DPP9: variants seen among roughly 807,000 people sequenced by gnomAD.
DPP9 encodes dipeptidyl peptidase 9.
Under a neutral mutation model 110.7 loss-of-function variants are expected in DPP9, and 50 were observed. That is an observed-to-expected ratio of 0.45 (90% CI 0.36 to 0.57). DPP9 has a LOEUF of 0.57. Among genes scored for constraint, DPP9 ranks in the 20% least tolerant of loss-of-function variants. DPP9 has a pLI of 0.00. For synonymous variants in DPP9, 561 were observed against 514.4 expected (o/e 1.09, Z -1.23); for missense variants, 1,022 against 1,217.9 (o/e 0.84, Z 2.39).
rs147595874 is a variant in DPP9 at position 4,681,105 on chromosome 19, C to T, written c.2475-1159G>A. 1.3e-3 allele frequency among the ~76,000 whole-genome samples: 203 copies of T among 152,264 alleles called. No homozygotes were observed. In the East Asian group the frequency reaches 0.019, roughly 14 times the overall value. On this transcript the variant is annotated intron_variant, in intron 20 of 21. Coordinates refer to ENST00000262960, the MANE Select transcript of DPP9 (RefSeq NM_139159.5). ...ACGGGAGCCAGTGGCCACACGTCGC[C>T]GTTGAAATTCCAGTTTACATTCATC...
intron 4 of DPP9, among the ~76,000 whole-genome samples, chr19:4,709,230 GT>G (rs796655438): frequency 2.0e-4 from 29 of 146,468 alleles, no homozygotes; most frequent in Admixed American, 2.0e-4. Context: ...TTGTTTGTTT[GT>G]TTTTTTTTTT....
rs1284158597 is a variant in DPP9, at chr19:4,683,584, C to A, written c.2224G>T (p.Ala742Ser). ...AGGTCGATGAAGCCATACTTCTCGG[C>A]CACGAACTGCAGGCCCTCCACCTGG... ...EDQVEGLQFV[A>S]EKYGFIDLSR... is the part of the protein sequence containing the mutation. Residue 742 changes from alanine to serine, a missense_variant, in exon 19 of 22, where the codon GCC (alanine) becomes TCC (serine). Physicochemically the swap from Ala to Ser is moderately conservative, Grantham distance 99. Transcript: ENST00000262960. The A allele has an allele frequency of 1.2e-6, 2 of 1,613,554 alleles. No homozygotes were observed. The highest frequency in any genetic ancestry group is 1.7e-5 in the Admixed American group (1 of 60,034).
intron 8 of DPP9, 37 bp from the exon 9 acceptor site, chr19:4,702,192 A>T: frequency 6.3e-7 from 1 of 1,586,488 alleles, no homozygotes; most frequent in Non-Finnish European, 8.6e-7. Context: ...TGAGGGTGCC[A>T]GAGGCAGAGT....
In DPP9 at chr19:4,714,267, C is replaced by G; in HGVS notation, c.127G>C (p.Ala43Pro). The G allele has an allele frequency of 6.4e-7, 1 of 1,566,144 alleles. No individual in the cohort carries two copies. The highest frequency in any genetic ancestry group is 8.6e-7 in the Non-Finnish European group (1 of 1,157,858). Residue 43 changes from alanine to proline, a missense_variant, in exon 4 of 22, where the codon GCA becomes CCA. By Grantham distance (27) the Ala-to-Pro change is conservative. This residue lies in a region of DPP9 where 810 missense variants were observed against 920.6 expected (regional missense o/e 0.88). Transcript: ENST00000262960. The part of the protein sequence containing the change: ...TGTPTADRGD[A>P]AATDDPAARF... ...GCGGCCGGGTCATCTGTGGCGGCTG[C>G]GTCGCCTCGGTCGGCCGTTGGGGTC...
rs2091165730 is a variant in DPP9 at position 4,689,979 on chromosome 19, C to T, written c.1597-257G>A. Among the ~76,000 whole-genome samples, 1 of 152,226 alleles carries T rather than the reference C, an allele frequency of 6.6e-6. No individual in the cohort carries two copies. The highest frequency in any genetic ancestry group is 6.5e-5 in the Admixed American group (1 of 15,282). On this transcript the variant is annotated intron_variant, in intron 14 of 21. Transcript: ENST00000262960. The surrounding 1 kb of genome is among the most constrained non-coding windows in gnomAD (Gnocchi z 7.0). ...GGACCTGGGGCCTGCATTCCACCCC[C>T]AGACAGCTCTTTCCTAGCTTGAATT...
chr19:4,680,475 G>C (rs1263710882), intron 20 of DPP9, among the ~76,000 whole-genome samples: 1 of 151,928 alleles, frequency 6.6e-6, no homozygotes, highest in Admixed American at 6.6e-5. Flanking sequence ...CAGTACTTTG[G>C]GAGGCCAAGC....
In DPP9 at chr19:4,704,183, T is replaced by TGGAAGA. The variant is rs770844419; in HGVS notation, c.542_547dup (p.Leu181_Phe182dup). Reference sequence around the variant, plus strand: ...GCAGTGGAAGAGGCTGTTGCTGGCCTGGAAGAGGAAGAGGCCACTCTCGCT... The same window carrying TGGAAGA: ...GCAGTGGAAGAGGCTGTTGCTGGCCTGGAAGAGGAAGAGGAAGAGGCCACTCTCGCT... On this transcript the variant is annotated inframe_insertion, in exon 6 of 22. Coordinates refer to ENST00000262960, the MANE Select transcript of DPP9 (RefSeq NM_139159.5). This position sits in a 1 kb window ranked among gnomAD's most constrained non-coding sequence, Gnocchi z 6.0. The TGGAAGA allele has an allele frequency of 6.2e-7, 1 of 1,613,940 alleles. No homozygotes were observed. The highest frequency in any genetic ancestry group is 8.5e-7 in the Non-Finnish European group (1 of 1,179,862).
At chr19:4,705,801 C>A in intron 5 of DPP9, 57 bp downstream of exon 5, 5 of 1,546,392 alleles carry the variant, frequency 3.2e-6, no homozygotes, top group Non-Finnish European at 4.5e-6. Context: ...GCCTGTGGGG[C>A]TGGCCTTTGC....
intron 13 of DPP9, among the ~76,000 whole-genome samples, chr19:4,692,701 A>G (rs1276812534): frequency 6.6e-6 from 1 of 152,126 alleles, no homozygotes; most frequent in East Asian, 1.9e-4. Context: ...TTGAGACCAC[A>G]TTTGAAACGT....
chr19:4,688,703 G>C, intron 16 of DPP9, 54 bp downstream of exon 16: 1 of 1,372,510 alleles, frequency 7.3e-7, no homozygotes, highest in Non-Finnish European at 9.3e-7. Context: ...CCCTCGTCCC[G>C]TTTTACAGCC....
intron 13 of DPP9, among the ~76,000 whole-genome samples, chr19:4,691,455 G>A (rs1228763217): frequency 6.7e-6 from 1 of 148,384 alleles, no homozygotes; most frequent in African/African-American, 2.5e-5. Context: ...CAGCCTGGGC[G>A]ACAACAAGAA....
Position 4,722,316 on chromosome 19 carries a change from C to T in DPP9, c.-36+183G>A, listed in dbSNP as rs1406319112. Reference sequence around the variant, plus strand: ...CCTTCCAGGGGCAGCTAGAGGGGGACAGGGGTGGAAAGAAAAGCCTCCAGC... The same window carrying T: ...CCTTCCAGGGGCAGCTAGAGGGGGATAGGGGTGGAAAGAAAAGCCTCCAGC... On this transcript the variant is annotated intron_variant, in intron 2 of 21. Transcript: ENST00000262960. The T allele has an allele frequency of 1.4e-5, 8 of 582,676 alleles. No individual in the cohort carries two copies. In the African/African-American group the frequency reaches 1.5e-4, roughly 11 times the overall value. The allele number at this position is 582,676 out of a possible 1,614,324, so 36.1% of individuals were successfully genotyped here.
rs1185214708 is a variant in DPP9 at position 4,675,525 on chromosome 19, G to T, written c.*1039C>A. ...GGCTGGGCGGCTGGGCTGGGGAGGGGACAGCCGCCACTGACCAGCAGAGCG... is the reference window on the plus strand; with the variant it reads ...GGCTGGGCGGCTGGGCTGGGGAGGGTACAGCCGCCACTGACCAGCAGAGCG... On this transcript the variant is annotated 3_prime_UTR_variant, in exon 22 of 22. Coordinates refer to ENST00000262960, the MANE Select transcript of DPP9 (RefSeq NM_139159.5). 1 of 152,068 alleles carries T rather than the reference G, an allele frequency of 6.6e-6. No individual in the cohort carries two copies. Among genetic ancestry groups the T allele is most frequent in the African/African-American group, 2.4e-5 (1 of 41,396 alleles). 9.4% of individuals were successfully genotyped at this position (152,068 alleles called of 1,614,324 possible).
At chr19:4,681,591 G>C (rs1014280862) in intron 20 of DPP9, among the ~76,000 whole-genome samples, 1 of 151,906 alleles carries the variant, frequency 6.6e-6, no homozygotes, top group Non-Finnish European at 1.5e-5. Context: ...TTTTGAGACA[G>C]TTTCTCTCTG....
chr19:4,693,641 T>G lies in DPP9; in HGVS notation c.1516+1020A>C, dbSNP rs2091525607. ...AGACCCACCAGGACAGCTCAGCCAC[T>G]GCCATGACAGCAAGCCTGTCGCCTC... On this transcript the variant is annotated intron_variant, in intron 13 of 21. Coordinates refer to ENST00000262960, the MANE Select transcript of DPP9 (RefSeq NM_139159.5). The surrounding 1 kb of genome is among the most constrained non-coding windows in gnomAD (Gnocchi z 5.0). Among the ~76,000 whole-genome samples the G allele has an allele frequency of 6.6e-6, 1 of 152,088 alleles. No individual in the cohort carries two copies. The highest frequency in any genetic ancestry group is 2.4e-5 in the African/African-American group (1 of 41,420).
rs2090646131 is a variant in DPP9 at position 4,685,997 on chromosome 19, C to T, written c.1886-226G>A. ...GTCTCCCTGTTGCCCAGGCTGGTCT[C>T]GACTTCCTGGCCTCAAGCGATCCTC... On this transcript the variant is annotated intron_variant, in intron 16 of 21. Coordinates refer to ENST00000262960, the MANE Select transcript of DPP9 (RefSeq NM_139159.5). The surrounding 1 kb of genome is among the most constrained non-coding windows in gnomAD (Gnocchi z 5.8). The T allele has an allele frequency of 4.1e-6, 2 of 488,226 alleles. No individual in the cohort carries two copies. Among genetic ancestry groups the T allele is most frequent in the Non-Finnish European group, 3.6e-6 (1 of 274,016 alleles). 30.2% of individuals were successfully genotyped at this position (488,226 alleles called of 1,614,324 possible).
rs770305424 is a variant in DPP9 at position 4,714,252 on chromosome 19, C to T, written c.142G>A (p.Asp48Asn). 6.3e-7 allele frequency: 1 copy of T among 1,586,852 alleles called. No individual in the cohort carries two copies. The highest frequency in any genetic ancestry group is 1.1e-5 in the South Asian group (1 of 87,950). Reference sequence around the variant, plus strand: ...TGCACCTGGAAGCGGGCGGCCGGGTCATCTGTGGCGGCTGCGTCGCCTCGG... The same window carrying T: ...TGCACCTGGAAGCGGGCGGCCGGGTTATCTGTGGCGGCTGCGTCGCCTCGG... Reference protein sequence around the residue: ...ADRGDAAATDDPAARFQVQKH... With the variant: ...ADRGDAAATDNPAARFQVQKH... Residue 48 changes from aspartate (D) to asparagine (N), a missense_variant, in exon 4 of 22, where the codon GAC becomes AAC. Physicochemically the swap from Asp to Asn is conservative, Grantham distance 23. Around this residue, in one of 3 missense-constraint regions of DPP9, gnomAD observed 810 missense variants for 920.6 expected, o/e 0.88. Coordinates refer to ENST00000262960, the MANE Select transcript of DPP9 (RefSeq NM_139159.5).
chr19:4,713,881 G>A (rs1473139385), intron 4 of DPP9, among the ~76,000 whole-genome samples, 200 bp downstream of exon 4: 3 of 148,888 alleles, frequency 2.0e-5, no homozygotes, highest in Non-Finnish European at 4.6e-5. Context: ...TGACCCTCCG[G>A]GGGCCGCCCC....
intron 1 of DPP9, chr19:4,722,778 G>A (rs1209962938): frequency 3.7e-6 from 2 of 536,330 alleles, no homozygotes; most frequent in African/African-American, 3.9e-5. Context: ...AGGAATGCAG[G>A]GATTGGTGCC....
Sources: allele counts gnomAD v4.1 joint callset (sites outside exome capture counted in the v4.1 genomes callset), GRCh38; gene constraint gnomAD v4.1.1; regional missense constraint gnomAD v4.1.1; non-coding constraint Gnocchi (gnomAD v3.1); transcripts MANE v1.5; gene names NCBI Gene and HGNC (gene_info 2026-07-23, HGNC 2026-07-21).